The following CADM2 variants were observed in gnomAD, a reference collection of about 807,000 sequenced individuals.
The protein encoded by CADM2 is immunoglobulin superfamily member 4D.
Under a neutral mutation model 49.8 loss-of-function variants are expected in CADM2, and 12 were observed. The observed-to-expected ratio is 0.24, with a 90% confidence interval of 0.15 to 0.39. The LOEUF is 0.39. CADM2 is among the 10% of genes least tolerant of loss of function. CADM2 has a pLI of 1.00. For missense variants in CADM2, 378 were observed against 492.3 expected (o/e 0.77, Z 2.20); for synonymous variants, 214 against 175.4 (o/e 1.22, Z -1.74).
intron 1 of CADM2, among the ~76,000 whole-genome samples, chr3:85,255,317 C>A (rs1291142623): frequency 6.6e-6 from 1 of 151,968 alleles, no homozygotes; most frequent in Non-Finnish European, 1.5e-5. Flanking sequence ...TAAATACCTT[C>A]ACTTAAAGGT....
chr3:85,345,107 G>A (rs2030447185), intron 1 of CADM2, among the ~76,000 whole-genome samples: 1 of 151,964 alleles, frequency 6.6e-6, no homozygotes, highest in African/African-American at 2.4e-5. Flanking sequence ...CCTGAGGTCA[G>A]GAGTTCGAGA....
chr3:84,984,013 C>A (rs1559602088), intron 1 of CADM2, among the ~76,000 whole-genome samples: 1 of 150,092 alleles, frequency 6.7e-6, no homozygotes, highest in Non-Finnish European at 1.5e-5. Context: ...TCTATTTTCA[C>A]AAATGGCTTC....
At chr3:85,370,564 G>A (rs1482434492) in intron 1 of CADM2, among the ~76,000 whole-genome samples, 1 of 152,108 alleles carries the variant, frequency 6.6e-6, no homozygotes, top group African/African-American at 2.4e-5. Context: ...CAAACCTACT[G>A]TGTCTGCAGT....
chr3:85,641,168 T>C (rs568602906), intron 1 of CADM2, among the ~76,000 whole-genome samples: 19 of 152,326 alleles, frequency 1.2e-4, no homozygotes, highest in South Asian at 4.1e-4. Context: ...GCCTCTAACA[T>C]TGAGTTCTGT....
At chr3:85,945,867 A>G (rs556358852) in intron 7 of CADM2, among the ~76,000 whole-genome samples, 3 of 152,232 alleles carry the variant, frequency 2.0e-5, no homozygotes, top group African/African-American at 7.2e-5. Flanking sequence ...GAAAACTGGC[A>G]CAAGACAGGG....
At chr3:86,002,651 A>T (rs1255549969) in intron 8 of CADM2, among the ~76,000 whole-genome samples, 1 of 152,196 alleles carries the variant, frequency 6.6e-6, no homozygotes, top group Non-Finnish European at 1.5e-5. Context: ...AGAGATTCTG[A>T]TACATAGGTC....
intron 1 of CADM2, among the ~76,000 whole-genome samples, chr3:85,308,752 T>C (rs543104920): frequency 6.6e-6 from 1 of 152,042 alleles, no homozygotes; most frequent in Non-Finnish European, 1.5e-5. Flanking sequence ...TCCACTTACA[T>C]GCACACCTCT....
chr3:85,371,554 A>AC (rs2033223457), intron 1 of CADM2, among the ~76,000 whole-genome samples: 1 of 151,222 alleles, frequency 6.6e-6, no homozygotes, highest in South Asian at 2.1e-4. Context: ...CAAGAACAAG[A>AC]ACAAAGGTGC....
intron 7 of CADM2, among the ~76,000 whole-genome samples, chr3:85,938,415 G>A (rs1721441258): frequency 6.6e-6 from 1 of 151,952 alleles, no homozygotes; most frequent in Non-Finnish European, 1.5e-5. Context: ...GCCACTAAAG[G>A]AAAGACTATC....
At chr3:85,855,602 CATAT>C (rs10537642) in intron 3 of CADM2, among the ~76,000 whole-genome samples, 2,367 of 125,062 alleles carry the variant, frequency 0.019, 72 homozygotes, top group Non-Finnish European at 0.028. Context: ...ATATATAAAA[CATAT>C]ATATATATAT....
At chr3:85,461,169 G>A (rs1053251133) in intron 1 of CADM2, among the ~76,000 whole-genome samples, 18 of 151,964 alleles carry the variant, frequency 1.2e-4, no homozygotes, top group Admixed American at 1.3e-4. Context: ...GTTTTCGCAT[G>A]AGATGTACAC....
At chr3:84,980,044 T>C (rs1485285835) in intron 1 of CADM2, among the ~76,000 whole-genome samples, 5 of 152,208 alleles carry the variant, frequency 3.3e-5, no homozygotes, top group Non-Finnish European at 1.5e-5. Context: ...AAAGGTTTTA[T>C]TGATTAATTT....
At chr3:85,256,587 CTT>C (rs1303690327) in intron 1 of CADM2, among the ~76,000 whole-genome samples, 2 of 152,050 alleles carry the variant, frequency 1.3e-5, no homozygotes, top group Non-Finnish European at 2.9e-5. Flanking sequence ...AATTGTGAAA[CTT>C]GAGATTATTT....
At chr3:85,247,923 G>A (rs916689186) in intron 1 of CADM2, among the ~76,000 whole-genome samples, 1 of 151,700 alleles carries the variant, frequency 6.6e-6, no homozygotes, top group African/African-American at 2.4e-5. Flanking sequence ...GAATATATAT[G>A]AATAATTTAT....
chr3:85,040,747 A>C (rs1576095231), intron 1 of CADM2, among the ~76,000 whole-genome samples: 1 of 152,332 alleles, frequency 6.6e-6, no homozygotes, highest in African/African-American at 2.4e-5. Flanking sequence ...TTCTTTCAGA[A>C]ACAAAGTGAT....
At chr3:85,451,934 A>C (rs2107569543) in intron 1 of CADM2, among the ~76,000 whole-genome samples, 1 of 152,192 alleles carries the variant, frequency 6.6e-6, no homozygotes, top group African/African-American at 2.4e-5. Context: ...CGCAGTCCAA[A>C]GCACTCAATT....
intron 1 of CADM2, among the ~76,000 whole-genome samples, chr3:84,987,152 T>C (rs1241540685): frequency 1.3e-5 from 2 of 152,160 alleles, no homozygotes; most frequent in Middle Eastern, 3.4e-3. Context: ...TCCTCCCAGG[T>C]TGTGGCTATG....
At chr3:85,475,901 A>G (rs895749606) in intron 1 of CADM2, among the ~76,000 whole-genome samples, 5 of 151,910 alleles carry the variant, frequency 3.3e-5, no homozygotes, top group African/African-American at 4.8e-5. Flanking sequence ...TAATTTGCCT[A>G]TCTAGAAATG....
chr3:85,930,909 TTAA>T (rs1720506427), intron 6 of CADM2, among the ~76,000 whole-genome samples: 1 of 149,392 alleles, frequency 6.7e-6, no homozygotes, highest in Admixed American at 6.7e-5. Flanking sequence ...AATTAATATA[TTAA>T]TAATTATATT....
Sources: allele counts gnomAD v4.1 joint callset (sites outside exome capture counted in the v4.1 genomes callset), GRCh38; gene constraint gnomAD v4.1.1; transcripts MANE v1.5; gene names NCBI Gene and HGNC (gene_info 2026-07-23, HGNC 2026-07-21).